Variants in TSNAX observed in about 807,000 individuals in gnomAD.
TSNAX encodes translin-associated protein X.
TSNAX carries 12 observed loss-of-function variants against 33.0 expected under a neutral mutation model. That is an observed-to-expected ratio of 0.36 (90% CI 0.23 to 0.59). The LOEUF (loss-of-function observed/expected upper bound fraction) is 0.59, where lower values mean the gene tolerates loss of function less well. Among genes scored for constraint, TSNAX ranks in the 20% least tolerant of loss-of-function variants. TSNAX has a pLI of 0.74. For synonymous variants in TSNAX, 110 were observed against 117.2 expected (o/e 0.94, Z 0.40); for missense variants, 267 against 341.3 (o/e 0.78, Z 1.72).
rs1273354589 is a variant in TSNAX, at chr1:231,529,265, G to T, written c.27G>T (p.Gly9=). 6.2e-7 allele frequency: 1 copy of T among 1,614,094 alleles called. No individual in the cohort carries two copies. Among genetic ancestry groups the T allele is most frequent in the Admixed American group, 1.7e-5 (1 of 60,022 alleles). ...TCTTCTCTATATAAGGATCAGGAGGGTTCAGGAAAAGGAAGCATGACAATT... is the reference window on the plus strand; with the variant it reads ...TCTTCTCTATATAAGGATCAGGAGGTTTCAGGAAAAGGAAGCATGACAATT... MSNKEGSG[G]FRKRKHDNFP... is the part of the protein sequence containing the mutation. The change falls in exon 2 of 6, where the codon GGG becomes GGT. Residue 9 remains glycine (G), a synonymous_variant. Coordinates refer to ENST00000366639, the MANE Select transcript of TSNAX (RefSeq NM_005999.3).
chr1:231,530,652 A>G (rs1293604581), intron 2 of TSNAX, among the ~76,000 whole-genome samples: 1 of 148,598 alleles, frequency 6.7e-6, no homozygotes, highest in Non-Finnish European at 1.5e-5. Context: ...CGGAGCTTGC[A>G]GTGAGCCGAG....
intron 4 of TSNAX, among the ~76,000 whole-genome samples, chr1:231,551,584 T>G (rs1422316955): frequency 6.6e-6 from 1 of 152,020 alleles, no homozygotes; most frequent in Non-Finnish European, 1.5e-5. Context: ...ATCTATAATA[T>G]TGTACTAAAT....
Position 231,566,227 on chromosome 1 carries a change from T to C in TSNAX, c.*1322T>C, listed in dbSNP as rs966729931. ...AATAAAGTTGCCAAAGAAGATGTAT[T>C]ATGAACAATTCAGCAATAAGACAAT... On this transcript the variant is annotated 3_prime_UTR_variant, in exon 6 of 6. Transcript: ENST00000366639. 3 of 152,704 alleles carry C rather than the reference T, an allele frequency of 2.0e-5. No homozygotes were observed. In the South Asian group the frequency reaches 6.2e-4, roughly 32 times the overall value. 9.5% of individuals were successfully genotyped at this position (152,704 alleles called of 1,614,324 possible). A position where few individuals can be genotyped will look rare whatever the true frequency, so the allele number is the denominator to read the frequency against.
rs1553265101 is a variant in TSNAX at position 231,532,159 on chromosome 1, C to CACACACACACACACACAT, written c.121+2817_121+2818insTACACACACACACACACA. The stretch of plus-strand genomic sequence containing the variant: ...ACACACACACACACACACACACACA[C>CACACACACACACACACAT]ACACACACACACACACACACACACA... On this transcript the variant is annotated intron_variant, in intron 2 of 5. Coordinates refer to ENST00000366639, the MANE Select transcript of TSNAX (RefSeq NM_005999.3). Among the ~76,000 whole-genome samples, 424 of 89,338 alleles carry CACACACACACACACACAT rather than the reference C, an allele frequency of 4.7e-3. 14 individuals are homozygous for CACACACACACACACACAT. The highest frequency in any genetic ancestry group is 0.015 in the African/African-American group (390 of 26,006). 58.6% of individuals were successfully genotyped at this position (89,338 alleles called of 152,430 possible). A position where few individuals can be genotyped will look rare whatever the true frequency, so the allele number is the denominator to read the frequency against.
In TSNAX at chr1:231,530,690, A is replaced by G. The variant is rs371813549; in HGVS notation, c.121+1331A>G. Among the ~76,000 whole-genome samples, 127 of 148,608 alleles carry G rather than the reference A, an allele frequency of 8.5e-4. 1 individual carries two copies. The East Asian group carries it at 0.022, about 26-fold the overall frequency. On this transcript the variant is annotated intron_variant, in intron 2 of 5. Transcript: ENST00000366639. ...CGTGCCACTGCACTCCAGCCTGGGC[A>G]ACAGAGCGAGGCTCCGTCTCAAAAA... is the stretch of plus-strand genomic sequence containing the variant.
intron 4 of TSNAX, among the ~76,000 whole-genome samples, chr1:231,552,212 C>G (rs956739721): frequency 6.6e-6 from 1 of 152,172 alleles, no homozygotes; most frequent in East Asian, 1.9e-4. Flanking sequence ...TCACTTGAAC[C>G]CAGGTGGCAG....
intron 4 of TSNAX, among the ~76,000 whole-genome samples, chr1:231,549,369 G>A (rs913853147): frequency 6.6e-6 from 1 of 152,154 alleles, no homozygotes; most frequent in African/African-American, 2.4e-5. Flanking sequence ...GCAATGAGCC[G>A]AGATTGCACC....
chr1:231,565,569 C>T lies in TSNAX; in HGVS notation c.*664C>T, dbSNP rs1235957136. 4 of 152,156 alleles carry T rather than the reference C, an allele frequency of 2.6e-5. No individual in the cohort carries two copies. The highest frequency in any genetic ancestry group is 5.9e-5 in the Non-Finnish European group (4 of 68,118). 9.4% of individuals were successfully genotyped at this position (152,156 alleles called of 1,614,324 possible). On this transcript the variant is annotated 3_prime_UTR_variant, in exon 6 of 6. Coordinates refer to ENST00000366639, the MANE Select transcript of TSNAX (RefSeq NM_005999.3). Reference sequence around the variant, plus strand: ...CGAAACCTCGTCTCTACTAGAAATACAAAAATTAGCTGGATATGGTGGTAT... The same window carrying T: ...CGAAACCTCGTCTCTACTAGAAATATAAAAATTAGCTGGATATGGTGGTAT...
At chr1:231,550,567 C>A (rs1019126888) in intron 4 of TSNAX, among the ~76,000 whole-genome samples, 2 of 152,206 alleles carry the variant, frequency 1.3e-5, no homozygotes, top group Non-Finnish European at 2.9e-5. Context: ...GTGGCTGTCT[C>A]TGCACATAAG....
At position 231,564,657 on chromosome 1, in the gene TSNAX, G is replaced by A; in HGVS notation, c.625G>A (p.Gly209Arg). 6.2e-7 allele frequency: 1 copy of A among 1,614,122 alleles called. No individual in the cohort carries two copies. The highest frequency in any genetic ancestry group is 8.5e-7 in the Non-Finnish European group (1 of 1,180,018). ...GATGTGTATTAACAGTGTGGGGAAT[G>A]GGGACATTGATACCCCCTTTGAAGT... ...MRMCINSVGN[G>R]DIDTPFEVSQ... Residue 209 changes from glycine to arginine, a missense_variant, in exon 6 of 6, where the codon GGG (glycine) becomes AGG (arginine). Around this residue, in one of 2 missense-constraint regions of TSNAX, gnomAD observed 67 missense variants for 127.2 expected, o/e 0.53. Coordinates refer to ENST00000366639, the MANE Select transcript of TSNAX (RefSeq NM_005999.3).
intron 4 of TSNAX, among the ~76,000 whole-genome samples, chr1:231,546,794 C>T (rs2124913953): frequency 6.6e-6 from 1 of 152,304 alleles, no homozygotes. Context: ...GATCCATGCT[C>T]TCTGGGGCTC....
At chr1:231,564,433 A>G (rs1323482190) in intron 5 of TSNAX, 95 bp from the exon 6 acceptor site, 5 of 1,495,202 alleles carry the variant, frequency 3.3e-6, no homozygotes, top group Non-Finnish European at 3.6e-6. Flanking sequence ...GTACTTCTAT[A>G]ATAAATGTGA....
rs559855353 is a variant in TSNAX at position 231,531,770 on chromosome 1, G to C, written c.121+2411G>C. 5.8e-4 allele frequency among the ~76,000 whole-genome samples: 89 copies of C among 152,290 alleles called. 1 individual carries two copies. Among genetic ancestry groups the C allele is most frequent in the Non-Finnish European group, 1.2e-4 (8 of 68,016 alleles). On this transcript the variant is annotated intron_variant, in intron 2 of 5. Coordinates refer to ENST00000366639, the MANE Select transcript of TSNAX (RefSeq NM_005999.3). ...GCCAGGCAGCTTGCGGGGCTGTGGAGTGAAAAGACTTGGGAAATAAAGGCG... is the reference window on the plus strand; with the variant it reads ...GCCAGGCAGCTTGCGGGGCTGTGGACTGAAAAGACTTGGGAAATAAAGGCG...
intron 4 of TSNAX, among the ~76,000 whole-genome samples, chr1:231,544,255 A>C (rs79023161): frequency 0.016 from 2,476 of 152,320 alleles, 37 homozygotes; most frequent in Non-Finnish European, 0.026. Context: ...ATCCAATTCT[A>C]CAGCTTTTCC....
intron 5 of TSNAX, among the ~76,000 whole-genome samples, chr1:231,562,143 TTA>T (rs1171705880): frequency 1.3e-5 from 2 of 148,890 alleles, no homozygotes; most frequent in African/African-American, 4.9e-5. Flanking sequence ...TTAAAATAAT[TTA>T]TATTATTTAA....
At chr1:231,548,341 A>G (rs1572127747) in intron 4 of TSNAX, among the ~76,000 whole-genome samples, 1 of 152,254 alleles carries the variant, frequency 6.6e-6, no homozygotes, top group Non-Finnish European at 1.5e-5. Flanking sequence ...CAGTAAAATG[A>G]GTAAACTTAA....
chr1:231,540,096 C>T (rs968879222), intron 3 of TSNAX, among the ~76,000 whole-genome samples: 6 of 148,394 alleles, frequency 4.0e-5, no homozygotes, highest in Non-Finnish European at 8.9e-5. Flanking sequence ...ATTGCTTGAA[C>T]TCAGGAAGCG....
At chr1:231,553,398 TCTCTC>T (rs978866713) in intron 4 of TSNAX, among the ~76,000 whole-genome samples, 3 of 152,188 alleles carry the variant, frequency 2.0e-5, no homozygotes, top group Non-Finnish European at 4.4e-5. Context: ...CCTACAGACT[TCTCTC>T]TTACTGGCAG....
Position 231,564,512 on chromosome 1 carries a change from TTTG to T in TSNAX, c.496-13_496-11del. On this transcript the variant is annotated splice_polypyrimidine_tract_variant and intron_variant, in intron 5 of 5. Coordinates refer to ENST00000366639, the MANE Select transcript of TSNAX (RefSeq NM_005999.3). Reference sequence around the variant, plus strand: ...GTGTGTGTGTGTGTTTTTGTTTTGTTTTGTTTTTTTACCAGCCCTCCTCTGATG... The same window carrying T: ...GTGTGTGTGTGTGTTTTTGTTTTGTTTTTTTTTACCAGCCCTCCTCTGATG... 6.2e-7 allele frequency: 1 copy of T among 1,600,954 alleles called. No homozygotes were observed. The highest frequency in any genetic ancestry group is 1.7e-5 in the Admixed American group (1 of 59,030).
Sources: allele counts gnomAD v4.1 joint callset (sites outside exome capture counted in the v4.1 genomes callset), GRCh38; gene constraint gnomAD v4.1.1; regional missense constraint gnomAD v4.1.1; transcripts MANE v1.5; gene names NCBI Gene and HGNC (gene_info 2026-07-23, HGNC 2026-07-21).